The following MBNL3 variants were observed in gnomAD, a reference collection of about 807,000 sequenced individuals.
MBNL3 encodes the protein muscleblind like splicing regulator 3.
A neutral mutation model predicts 24.5 loss-of-function variants in MBNL3; 6 were observed. The ratio of observed to expected loss-of-function variants is 0.25; its 90% CI spans 0.13 to 0.48. The LOEUF (loss-of-function observed/expected upper bound fraction) is 0.48. MBNL3 is among the 20% of genes least tolerant of loss of function. MBNL3 has a pLI of 0.99. For synonymous variants in MBNL3, 100 were observed against 101.7 expected (o/e 0.98, Z 0.10); for missense variants, 230 against 293.5 (o/e 0.78, Z 1.58).
chrX:132,406,041 G>C (rs1211286165), intron 3 of MBNL3, among the ~76,000 whole-genome samples, 187 bp downstream of exon 3: 1 of 111,109 alleles, frequency 9.0e-6, no homozygotes, highest in African/African-American at 3.3e-5. Context: ...TTTATAAAGT[G>C]AACTCATGCA....
intron 8 of MBNL3, chrX:132,381,442 TA>T: frequency 9.4e-7 from 1 of 1,059,547 alleles, no homozygotes; most frequent in Non-Finnish European, 1.3e-6. Context: ...TCTATAGTAG[TA>T]AAAAAGATTT....
At chrX:132,464,010 T>C (rs769180049) in intron 1 of MBNL3, among the ~76,000 whole-genome samples, 5 of 112,102 alleles carry the variant, frequency 4.5e-5, no homozygotes, top group African/African-American at 6.5e-5. Flanking sequence ...ATGAGAAAAA[T>C]AGATTTTCTT....
chrX:132,451,670 G>T (rs1946118554), intron 1 of MBNL3, among the ~76,000 whole-genome samples: 1 of 111,343 alleles, frequency 9.0e-6, no homozygotes, highest in African/African-American at 3.3e-5. Flanking sequence ...CCTTTCCAGA[G>T]AAGTGAACAG....
At chrX:132,475,747 T>C (rs1338813616) in intron 1 of MBNL3, among the ~76,000 whole-genome samples, 1 of 111,477 alleles carries the variant, frequency 9.0e-6, no homozygotes, top group Non-Finnish European at 1.9e-5. Flanking sequence ...AAAAGTATAA[T>C]ACATTCCTGG....
chrX:132,419,244 T>G (rs1943573999), intron 2 of MBNL3, among the ~76,000 whole-genome samples: 1 of 112,386 alleles, frequency 8.9e-6, no homozygotes, highest in Non-Finnish European at 1.9e-5. Flanking sequence ...TCATGAGGGC[T>G]TAAGCATAAA....
intron 5 of MBNL3, 104 bp from the exon 6 acceptor site, chrX:132,386,915 G>A: frequency 2.2e-6 from 2 of 923,434 alleles, no homozygotes; most frequent in Admixed American, 2.4e-5. Context: ...CTCCGTAAGG[G>A]TATGCATTGG....
At chrX:132,408,771 A>G (rs1019988686) in intron 2 of MBNL3, among the ~76,000 whole-genome samples, 3 of 112,424 alleles carry the variant, frequency 2.7e-5, no homozygotes, top group African/African-American at 9.7e-5. Flanking sequence ...ACTTTAAAAA[A>G]TTATATCAAG....
intron 6 of MBNL3, among the ~76,000 whole-genome samples, chrX:132,386,074 T>C (rs751958495): frequency 2.7e-5 from 3 of 111,791 alleles, no homozygotes; most frequent in Non-Finnish European, 5.6e-5. Context: ...TTCAATTTCA[T>C]GTAAAACAGG....
chrX:132,413,615 A>G (rs994240340), intron 2 of MBNL3: 2 of 1,066,844 alleles, frequency 1.9e-6, no homozygotes, highest in Non-Finnish European at 2.4e-6. Context: ...AAGGAAGTTG[A>G]CTGTTGGAGA....
In MBNL3 at chrX:132,427,172, G is replaced by T. The variant is rs774120128; in HGVS notation, c.177+12263C>A. 3.6e-5 allele frequency among the ~76,000 whole-genome samples: 4 copies of T among 111,544 alleles called. No individual in the cohort carries two copies. In the East Asian group the frequency reaches 1.1e-3, roughly 32 times the overall value. On this transcript the variant is annotated intron_variant, in intron 2 of 8. Coordinates refer to ENST00000370853, the MANE Select transcript of MBNL3 (RefSeq NM_001386889.1). ...TGTTTCATTTCAGATATTTTCAGTG[G>T]TTACATCTAGAGTTCACCCAAGAAA...
intron 3 of MBNL3, among the ~76,000 whole-genome samples, chrX:132,404,080 A>G (rs1321954805): frequency 9.1e-6 from 1 of 110,233 alleles, no homozygotes; most frequent in African/African-American, 3.3e-5. Flanking sequence ...GGTTCCACAT[A>G]TGAGTGAGAT....
At chrX:132,423,593 T>C (rs990508763) in intron 2 of MBNL3, among the ~76,000 whole-genome samples, 1 of 112,082 alleles carries the variant, frequency 8.9e-6, no homozygotes, top group Non-Finnish European at 1.9e-5. Flanking sequence ...AAATAAGCAC[T>C]GAATACAAGT....
intron 7 of MBNL3, among the ~76,000 whole-genome samples, chrX:132,383,931 C>G (rs1362151303): frequency 4.5e-5 from 5 of 111,790 alleles, no homozygotes; most frequent in Non-Finnish European, 7.5e-5. Flanking sequence ...CTGGTCTGTT[C>G]CTTGTGCCCA....
rs193088633 is a variant in MBNL3, at chrX:132,443,182, T to C, written c.-703-2868A>G. Among the ~76,000 whole-genome samples, 322 of 112,057 alleles carry C rather than the reference T, an allele frequency of 2.9e-3. 2 individuals are homozygous for C. The highest frequency in any genetic ancestry group is 3.6e-3 in the Non-Finnish European group (194 of 53,178). On this transcript the variant is annotated intron_variant, in intron 1 of 8. Coordinates refer to ENST00000370853, the MANE Select transcript of MBNL3 (RefSeq NM_001386889.1). ...ACAAGTGCTTGTATTTCATTGATGT[T>C]TCGATCTCTCAAAAATATTCTAAAG...
intron 2 of MBNL3, chrX:132,413,449 G>A (rs1441370161): frequency 9.0e-7 from 1 of 1,108,060 alleles, no homozygotes; most frequent in Admixed American, 2.6e-5. Flanking sequence ...GCTCAATAAA[G>A]GCAAATCCTT....
intron 1 of MBNL3, among the ~76,000 whole-genome samples, chrX:132,485,372 A>G (rs943805289): frequency 5.4e-5 from 6 of 111,987 alleles, no homozygotes; most frequent in African/African-American, 1.6e-4. Flanking sequence ...AATCTTTTAA[A>G]AACAATGTCA....
intron 1 of MBNL3, among the ~76,000 whole-genome samples, chrX:132,451,756 C>T (rs1206252357): frequency 4.5e-5 from 5 of 111,524 alleles, no homozygotes; most frequent in African/African-American, 1.3e-4. Context: ...TCTCCCCAAA[C>T]GGCTGCCCAG....
At position 132,379,530 on chromosome X, in the gene MBNL3, C is replaced by T. The variant is rs1934463593; in HGVS notation, c.*136G>A. On this transcript the variant is annotated 3_prime_UTR_variant, in exon 9 of 9. Transcript: ENST00000370853. The stretch of plus-strand genomic sequence containing the variant: ...TTTTTTATTTGAATTTGCTGGCTGG[C>T]AGGTTTGCTTTGCTTAATACATTGA... 1.8e-6 allele frequency: 1 copy of T among 559,469 alleles called. No individual in the cohort carries two copies. The highest frequency in any genetic ancestry group is 5.3e-5 in the South Asian group (1 of 18,847). 46.1% of individuals were successfully genotyped at this position (559,469 alleles called of 1,213,427 possible).
chrX:132,401,082 C>T (rs1940830457), intron 3 of MBNL3, among the ~76,000 whole-genome samples: 1 of 111,569 alleles, frequency 9.0e-6, no homozygotes, highest in Non-Finnish European at 1.9e-5. Flanking sequence ...CTGTACTGAC[C>T]ATGAGACTGG....
Sources: gnomAD v4.1 joint callset for allele counts (sites outside exome capture counted in the v4.1 genomes callset) on GRCh38, gnomAD v4.1.1 for gene constraint, MANE v1.5 for transcripts, NCBI Gene and HGNC (gene_info 2026-07-23, HGNC 2026-07-21) for gene names.